Variants in SGPP2 observed in about 807,000 individuals in gnomAD.
SGPP2 encodes the protein sphingosine-1-phosphate phosphatase 2.
Under a neutral mutation model 33.9 loss-of-function variants are expected in SGPP2, and 30 were observed. The ratio of observed to expected loss-of-function variants is 0.89; its 90% CI spans 0.66 to 1.20. The LOEUF (loss-of-function observed/expected upper bound fraction) is 1.20. SGPP2 is among the 50% of genes most tolerant of loss of function. SGPP2 has a pLI of 0.00. For missense variants in SGPP2, 458 were observed against 532.1 expected (o/e 0.86, Z 1.37); for synonymous variants, 233 against 225.0 (o/e 1.04, Z -0.32).
At chr2:222,437,707 C>T (rs1341335023) in intron 1 of SGPP2, among the ~76,000 whole-genome samples, 1 of 152,162 alleles carries the variant, frequency 6.6e-6, no homozygotes, top group Non-Finnish European at 1.5e-5. Context: ...TCAGAAAGCA[C>T]CCAGTTCATG....
chr2:222,488,615 G>A (rs1341384212), intron 2 of SGPP2, among the ~76,000 whole-genome samples: 1 of 152,128 alleles, frequency 6.6e-6, no homozygotes, highest in African/African-American at 2.4e-5. Flanking sequence ...TGAGTCACTA[G>A]GAATCATGTG....
At chr2:222,437,409 G>T (rs962141526) in intron 1 of SGPP2, among the ~76,000 whole-genome samples, 3 of 152,230 alleles carry the variant, frequency 2.0e-5, no homozygotes, top group African/African-American at 7.2e-5. Context: ...TAGTGCTGCA[G>T]CTGTCCACTT....
chr2:222,459,727 G>A (rs573494328), intron 1 of SGPP2, among the ~76,000 whole-genome samples: 2 of 152,248 alleles, frequency 1.3e-5, no homozygotes, highest in Admixed American at 1.3e-4. Context: ...ATTCTGAAAT[G>A]AGGGCTGTGA....
intron 4 of SGPP2, among the ~76,000 whole-genome samples, chr2:222,551,721 C>T (rs1049373376): frequency 2.0e-5 from 3 of 152,130 alleles, no homozygotes; most frequent in African/African-American, 4.8e-5. Context: ...GTCTAGTCTC[C>T]TGATGCACTG....
In SGPP2 at chr2:222,477,322, TG is replaced by T. The variant is rs1048237420; in HGVS notation, c.378+2597del. 1.3e-5 allele frequency among the ~76,000 whole-genome samples: 2 copies of T among 148,972 alleles called. No homozygotes were observed. Among genetic ancestry groups the T allele is most frequent in the Admixed American group, 6.7e-5 (1 of 14,980 alleles). On this transcript the variant is annotated intron_variant, in intron 2 of 4. Coordinates refer to ENST00000321276, the MANE Select transcript of SGPP2 (RefSeq NM_152386.4). The surrounding 1 kb of genome is among the most constrained non-coding windows in gnomAD (Gnocchi z 6.0). ...GTGTGTATATAGGTGTGAGTATATA[TG>T]TGTGTCTATGTGTGTGTGTATAGGT...
intron 2 of SGPP2, among the ~76,000 whole-genome samples, chr2:222,520,718 C>T (rs1290164532): frequency 1.2e-5 from 1 of 84,324 alleles, no homozygotes; most frequent in Non-Finnish European, 2.8e-5. Context: ...CAGAGTGAGA[C>T]TCTGAAAAAA....
intron 4 of SGPP2, among the ~76,000 whole-genome samples, chr2:222,539,811 G>A (rs1698965102): frequency 6.6e-6 from 1 of 152,178 alleles, no homozygotes; most frequent in South Asian, 2.1e-4. Flanking sequence ...CAGGTGGGAG[G>A]TAGAAATGGA....
intron 4 of SGPP2, among the ~76,000 whole-genome samples, chr2:222,554,269 T>C (rs976726522): frequency 1.3e-5 from 2 of 152,248 alleles, no homozygotes; most frequent in African/African-American, 4.8e-5. Context: ...ATATACTGTA[T>C]GCACTGTTCT....
chr2:222,507,598 G>A (rs1203300875), intron 2 of SGPP2, among the ~76,000 whole-genome samples: 2 of 152,156 alleles, frequency 1.3e-5, no homozygotes, highest in Non-Finnish European at 2.9e-5. Flanking sequence ...TCTTAGCAAT[G>A]CTTCTGTTGC....
At chr2:222,470,451 C>T (rs1303179747) in intron 1 of SGPP2, among the ~76,000 whole-genome samples, 2 of 152,160 alleles carry the variant, frequency 1.3e-5, no homozygotes, top group East Asian at 1.9e-4. Flanking sequence ...TTTTAAACTT[C>T]ACCTTTGGTT....
intron 1 of SGPP2, among the ~76,000 whole-genome samples, chr2:222,438,640 C>G (rs1042576747): frequency 6.6e-6 from 1 of 152,182 alleles, no homozygotes; most frequent in Admixed American, 6.5e-5. Context: ...ATGTCTGGTA[C>G]AGCAACTGCA....
chr2:222,543,468 T>C (rs1459914460), intron 4 of SGPP2, among the ~76,000 whole-genome samples: 1 of 152,236 alleles, frequency 6.6e-6, no homozygotes, highest in East Asian at 1.9e-4. Context: ...CCTATACATA[T>C]GCACCTCTGA....
chr2:222,545,265 G>A lies in SGPP2; in HGVS notation c.649-13082G>A, dbSNP rs142934828. 1.4e-3 allele frequency among the ~76,000 whole-genome samples: 204 copies of A among 149,178 alleles called. 1 individual carries two copies. The highest frequency in any genetic ancestry group is 2.4e-3 in the Non-Finnish European group (164 of 67,560). On this transcript the variant is annotated intron_variant, in intron 4 of 4. Transcript: ENST00000321276. ...CTTTGGCAATCAAACAAGTACATGG[G>A]TTTCAAAGAGCTTATGGCTTTTTTT...
chr2:222,518,612 T>C (rs543315965), intron 2 of SGPP2, among the ~76,000 whole-genome samples: 1 of 152,248 alleles, frequency 6.6e-6, no homozygotes, highest in South Asian at 2.1e-4. Context: ...CCCCAGATAA[T>C]GGTCAGTTAG....
At chr2:222,483,518 T>G (rs1698060884) in intron 2 of SGPP2, among the ~76,000 whole-genome samples, 4 of 152,186 alleles carry the variant, frequency 2.6e-5, no homozygotes. Flanking sequence ...CACTGAAAAT[T>G]TACATTTAAA....
At chr2:222,557,652 A>T (rs1689436096) in intron 4 of SGPP2, among the ~76,000 whole-genome samples, 1 of 152,186 alleles carries the variant, frequency 6.6e-6, no homozygotes, top group Admixed American at 6.6e-5. Context: ...AAGGAGTTAA[A>T]GATATTTTAA....
At chr2:222,443,834 T>C (rs1349097692) in intron 1 of SGPP2, among the ~76,000 whole-genome samples, 1 of 152,218 alleles carries the variant, frequency 6.6e-6, no homozygotes, top group African/African-American at 2.4e-5. Flanking sequence ...GGTGCTTGGC[T>C]TCTTACACAT....
intron 4 of SGPP2, among the ~76,000 whole-genome samples, chr2:222,528,484 T>TA (rs1698793086): frequency 6.6e-6 from 1 of 152,222 alleles, no homozygotes; most frequent in Non-Finnish European, 1.5e-5. Context: ...AATTTACTGC[T>TA]AAAAAATGCT....
chr2:222,508,192 T>C (rs1484113904), intron 2 of SGPP2, among the ~76,000 whole-genome samples: 1 of 152,228 alleles, frequency 6.6e-6, no homozygotes, highest in Non-Finnish European at 1.5e-5. Flanking sequence ...TCTATTGAGC[T>C]CCGGATGGAT....
Sources: allele counts gnomAD v4.1 joint callset (sites outside exome capture counted in the v4.1 genomes callset), GRCh38; gene constraint gnomAD v4.1.1; non-coding constraint Gnocchi (gnomAD v3.1); transcripts MANE v1.5; gene names NCBI Gene and HGNC (gene_info 2026-07-23, HGNC 2026-07-21).